Variants in STS observed in about 807,000 individuals in gnomAD.
STS encodes the protein steroid sulfatase.
Under a neutral mutation model 26.8 loss-of-function variants are expected in STS, and 7 were observed. The observed-to-expected ratio is 0.26, with a 90% CI of 0.15 to 0.49. STS has a LOEUF of 0.49. Among genes scored for constraint, STS ranks in the 20% least tolerant of loss-of-function variants. The pLI, the probability that STS is intolerant of heterozygous loss-of-function variation, is 0.98. For synonymous variants in STS, 199 were observed against 189.4 expected (o/e 1.05, Z -0.42); for missense variants, 434 against 465.6 (o/e 0.93, Z 0.63).
At chrX:7,289,729 G>T (rs1294450513) in intron 7 of STS, among the ~76,000 whole-genome samples, 1 of 111,336 alleles carries the variant, frequency 9.0e-6, no homozygotes, top group African/African-American at 3.3e-5. Flanking sequence ...CGTGATCTCG[G>T]CTCACTGCAG....
intron 6 of STS, among the ~76,000 whole-genome samples, chrX:7,261,172 A>G (rs185501662): frequency 8.9e-6 from 1 of 112,083 alleles, no homozygotes; most frequent in East Asian, 2.8e-4. Context: ...GAGAAATGGA[A>G]AGTTCATCTG....
At chrX:7,194,235 A>C (rs1238731651) in intron 2 of STS, among the ~76,000 whole-genome samples, 4 of 110,159 alleles carry the variant, frequency 3.6e-5, no homozygotes, top group African/African-American at 1.4e-4. Context: ...TCACAGAGTT[A>C]TCAAAACTGT....
At chrX:7,317,387 C>T (rs1333642800) in intron 8 of STS, among the ~76,000 whole-genome samples, 3 of 111,479 alleles carry the variant, frequency 2.7e-5, no homozygotes, top group Non-Finnish European at 5.7e-5. Context: ...CAGGTTTGCC[C>T]AGGTAAAAGA....
intron 7 of STS, among the ~76,000 whole-genome samples, chrX:7,276,842 A>G (rs1400940927): frequency 8.9e-6 from 1 of 112,227 alleles, no homozygotes; most frequent in East Asian, 2.8e-4. Context: ...TCTGAGAAAC[A>G]TGGCATTTTT....
intron 1 of STS, among the ~76,000 whole-genome samples, chrX:7,150,389 T>C (rs1210671505): frequency 9.1e-6 from 1 of 110,310 alleles, no homozygotes; most frequent in Non-Finnish European, 1.9e-5. Flanking sequence ...ACCCAGCTAA[T>C]TTTTGTATTT....
intron 2 of STS, among the ~76,000 whole-genome samples, chrX:7,221,007 A>C (rs938050953): frequency 8.9e-6 from 1 of 111,805 alleles, no homozygotes; most frequent in Middle Eastern, 4.2e-3. Flanking sequence ...TCCTTGTCCC[A>C]AAAGCATCTT....
intron 2 of STS, among the ~76,000 whole-genome samples, chrX:7,233,117 G>A (rs1487155598): frequency 1.3e-5 from 1 of 78,855 alleles, no homozygotes; most frequent in Non-Finnish European, 2.3e-5. Context: ...TTTTTGAGAT[G>A]GAGTCTCACT....
At chrX:7,246,731 C>A (rs1291592648) in intron 2 of STS, among the ~76,000 whole-genome samples, 1 of 111,744 alleles carries the variant, frequency 8.9e-6, no homozygotes, top group Non-Finnish European at 1.9e-5. Flanking sequence ...AATTCTCACC[C>A]GGGAAGGAAA....
chrX:7,315,106 GTAA>G (rs1165938495), intron 8 of STS, among the ~76,000 whole-genome samples: 1 of 112,078 alleles, frequency 8.9e-6, no homozygotes, highest in East Asian at 2.8e-4. Flanking sequence ...TTTTCCCACA[GTAA>G]TACGCTTCAT....
At chrX:7,303,116 A>G (rs1473118808) in intron 7 of STS, among the ~76,000 whole-genome samples, 3 of 110,818 alleles carry the variant, frequency 2.7e-5, no homozygotes, top group Non-Finnish European at 5.7e-5. Flanking sequence ...CCGGTGGGAG[A>G]TAATGGAATC....
intron 7 of STS, among the ~76,000 whole-genome samples, chrX:7,286,546 T>C (rs1925143288): frequency 9.0e-6 from 1 of 110,781 alleles, no homozygotes; most frequent in South Asian, 3.8e-4. Flanking sequence ...AGGAGAGAAA[T>C]GAAATCATTT....
At chrX:7,164,986 A>C (rs1933321860) in intron 1 of STS, among the ~76,000 whole-genome samples, 2 of 110,703 alleles carry the variant, frequency 1.8e-5, no homozygotes, top group Admixed American at 1.9e-4. Flanking sequence ...TGATTGTACC[A>C]TTGCACTCTA....
intron 8 of STS, among the ~76,000 whole-genome samples, chrX:7,320,676 C>G (rs1171755355): frequency 8.9e-6 from 1 of 111,767 alleles, no homozygotes; most frequent in Non-Finnish European, 1.9e-5. Flanking sequence ...TGAGATTCCT[C>G]CCAAAGATCT....
intron 9 of STS, among the ~76,000 whole-genome samples, chrX:7,326,141 CAG>C (rs1243355793): frequency 9.0e-6 from 1 of 110,538 alleles, no homozygotes; most frequent in African/African-American, 3.3e-5. Flanking sequence ...AGGAGAAAGT[CAG>C]AGGAAAACTG....
rs765734998 is a variant in STS at position 7,223,216 on chromosome X, G to T, written c.-4-29980G>T. Reference sequence around the variant, plus strand: ...CTAGTGCTGAGATTAATGTACAAGTGCAGGTATCTTTTTAATACAATGATG... The same window carrying T: ...CTAGTGCTGAGATTAATGTACAAGTTCAGGTATCTTTTTAATACAATGATG... On this transcript the variant is annotated intron_variant, in intron 2 of 10. Transcript: ENST00000674429. Among the ~76,000 whole-genome samples, 289 of 112,026 alleles carry T rather than the reference G, an allele frequency of 2.6e-3. 1 individual carries two copies. Among genetic ancestry groups the T allele is most frequent in the Non-Finnish European group, 4.0e-3 (214 of 53,181 alleles).
intron 8 of STS, 71 bp downstream of exon 8, chrX:7,305,254 G>A (rs1926157221): frequency 6.8e-6 from 8 of 1,175,233 alleles, no homozygotes; most frequent in East Asian, 3.0e-5. Flanking sequence ...CTTGATTTTC[G>A]AGCTTTTCCA....
At chrX:7,215,158 C>T (rs894496567) in intron 2 of STS, among the ~76,000 whole-genome samples, 7 of 96,296 alleles carry the variant, frequency 7.3e-5, no homozygotes, top group Non-Finnish European at 1.2e-4. Context: ...TATATATATA[C>T]ACACCACAGT....
At chrX:7,281,488 G>T (rs1924858447) in intron 7 of STS, among the ~76,000 whole-genome samples, 1 of 111,854 alleles carries the variant, frequency 8.9e-6, no homozygotes, top group Non-Finnish European at 1.9e-5. Context: ...AAAATAAGTG[G>T]TGAATTCATG....
intron 2 of STS, among the ~76,000 whole-genome samples, chrX:7,198,097 C>T (rs1934003816): frequency 9.0e-6 from 1 of 111,609 alleles, no homozygotes; most frequent in African/African-American, 3.3e-5. Flanking sequence ...CCAGGTAGAG[C>T]TTGTTTATCA....
Sources: allele counts gnomAD v4.1 joint callset (sites outside exome capture counted in the v4.1 genomes callset), GRCh38; gene constraint gnomAD v4.1.1; transcripts MANE v1.5; gene names NCBI Gene and HGNC (gene_info 2026-07-23, HGNC 2026-07-21).